The following RORA variants were observed in gnomAD, a reference collection of about 807,000 sequenced individuals.
RORA encodes nuclear receptor ROR-alpha.
A neutral mutation model predicts 69.5 loss-of-function variants in RORA; 7 were observed. The observed-to-expected ratio is 0.10, with a 90% CI of 0.06 to 0.19. The LOEUF (loss-of-function observed/expected upper bound fraction) is 0.19, where lower values mean the gene tolerates loss of function less well. RORA is among the 10% of genes least tolerant of loss of function. The probability of loss-of-function intolerance (pLI) is 1.00; values close to 1 mark genes in which losing one functional copy is unlikely to be tolerated. For synonymous variants in RORA, 261 were observed against 240.8 expected (o/e 1.08, Z -0.78); for missense variants, 457 against 663.0 (o/e 0.69, Z 3.41).
chr15:60,503,713 C>T, intron 6 of RORA, 46 bp from the exon 7 acceptor site: 2 of 1,605,458 alleles, frequency 1.2e-6, no homozygotes, highest in Non-Finnish European at 1.7e-6. Context: ...AAGATGTTAG[C>T]TTTTGTAGCA....
At chr15:61,153,904 TCTC>T (rs2079420335) in intron 1 of RORA, among the ~76,000 whole-genome samples, 1 of 152,146 alleles carries the variant, frequency 6.6e-6, no homozygotes, top group African/African-American at 2.4e-5. Flanking sequence ...CATTTATTGA[TCTC>T]CTATCAAGAA....
intron 2 of RORA, among the ~76,000 whole-genome samples, chr15:60,560,887 A>C (rs556891144): frequency 6.6e-6 from 1 of 152,316 alleles, no homozygotes; most frequent in South Asian, 2.1e-4. Context: ...AATACAGAGA[A>C]GTATATGGAA....
chr15:61,115,791 C>A (rs2079045335), intron 1 of RORA, among the ~76,000 whole-genome samples: 1 of 152,140 alleles, frequency 6.6e-6, no homozygotes, highest in African/African-American at 2.4e-5. Context: ...AGTAATTATT[C>A]TACAAGGAGG....
At chr15:61,222,361 T>C (rs1454751398) in intron 1 of RORA, among the ~76,000 whole-genome samples, 2 of 152,180 alleles carry the variant, frequency 1.3e-5, no homozygotes, top group African/African-American at 4.8e-5. Context: ...CATACAAATA[T>C]GTTAGGAAAA....
chr15:61,060,017 A>G (rs1391051195), intron 1 of RORA, among the ~76,000 whole-genome samples: 1 of 142,582 alleles, frequency 7.0e-6, no homozygotes, highest in Non-Finnish European at 1.5e-5. Context: ...GAAGAAGAAG[A>G]AGAAGAAGAA....
intron 1 of RORA, among the ~76,000 whole-genome samples, chr15:61,122,893 C>CAAT (rs1345049465): frequency 2.1e-4 from 32 of 152,302 alleles, no homozygotes; most frequent in African/African-American, 7.7e-4. Flanking sequence ...ATTCGGGCAG[C>CAAT]TTCAGGCACA....
At chr15:60,505,695 ATTTGC>A in intron 5 of RORA, 66 bp from the exon 6 acceptor site, 1 of 1,568,056 alleles carries the variant, frequency 6.4e-7, no homozygotes, top group Middle Eastern at 1.7e-4. Context: ...GTGATTTAAT[ATTTGC>A]TTTAAGAAAT....
intron 1 of RORA, among the ~76,000 whole-genome samples, chr15:61,079,394 G>C (rs1436950504): frequency 6.6e-6 from 1 of 152,160 alleles, no homozygotes; most frequent in Non-Finnish European, 1.5e-5. Flanking sequence ...AGTTTATAAA[G>C]CTTTCTCCAT....
At chr15:60,940,889 C>T (rs111536973) in intron 1 of RORA, among the ~76,000 whole-genome samples, 7 of 152,206 alleles carry the variant, frequency 4.6e-5, no homozygotes, top group East Asian at 3.9e-4. Context: ...ATCGCACCAC[C>T]GCACTCCAGC....
chr15:61,085,547 G>A (rs1360701266), intron 1 of RORA, among the ~76,000 whole-genome samples: 1 of 152,220 alleles, frequency 6.6e-6, no homozygotes, highest in African/African-American at 2.4e-5. Context: ...CAGGGCCTGA[G>A]GATCTGCATT....
intron 2 of RORA, among the ~76,000 whole-genome samples, chr15:60,666,166 ATTTT>A (rs142176178): frequency 2.2e-4 from 30 of 135,544 alleles, no homozygotes; most frequent in Admixed American, 3.7e-4. Flanking sequence ...TACAAAGATA[ATTTT>A]TTTTTTTTTT....
intron 1 of RORA, among the ~76,000 whole-genome samples, chr15:60,871,611 C>A (rs759834106): frequency 5.9e-5 from 9 of 152,130 alleles, no homozygotes; most frequent in Non-Finnish European, 1.2e-4. Context: ...CCCCTATATT[C>A]CAAAGCTGAA....
intron 1 of RORA, among the ~76,000 whole-genome samples, chr15:60,894,549 G>A (rs1046969394): frequency 6.6e-6 from 1 of 152,184 alleles, no homozygotes; most frequent in Non-Finnish European, 1.5e-5. Context: ...TTGGAGGATG[G>A]TTCCTTTGCA....
At chr15:60,898,983 C>T (rs1891311699) in intron 1 of RORA, among the ~76,000 whole-genome samples, 1 of 152,076 alleles carries the variant, frequency 6.6e-6, no homozygotes, top group Admixed American at 6.5e-5. Flanking sequence ...CAGAAAGCAC[C>T]CAGCAAGTTA....
intron 1 of RORA, among the ~76,000 whole-genome samples, chr15:60,978,177 T>A (rs1893932450): frequency 1.3e-5 from 2 of 152,122 alleles, no homozygotes; most frequent in Non-Finnish European, 2.9e-5. Flanking sequence ...ATCATCATCA[T>A]CACAATCATC....
At chr15:60,592,088 T>G (rs1255285745) in intron 2 of RORA, among the ~76,000 whole-genome samples, 2 of 151,904 alleles carry the variant, frequency 1.3e-5, no homozygotes, top group African/African-American at 4.8e-5. Context: ...CGGCAAACTT[T>G]CTTTTGGGAG....
intron 2 of RORA, among the ~76,000 whole-genome samples, chr15:60,657,347 T>C (rs565589799): frequency 4.3e-4 from 66 of 152,194 alleles, no homozygotes; most frequent in Admixed American, 2.7e-3. Context: ...CCCCACCCCC[T>C]GGGGAAGCAG....
At chr15:60,729,488 G>A (rs1446789142) in intron 1 of RORA, among the ~76,000 whole-genome samples, 3 of 152,168 alleles carry the variant, frequency 2.0e-5, no homozygotes, top group Admixed American at 6.5e-5. Context: ...TTATGTACCT[G>A]AGCCTCCATT....
At chr15:60,639,069 T>C (rs758040345) in intron 2 of RORA, among the ~76,000 whole-genome samples, 1 of 152,122 alleles carries the variant, frequency 6.6e-6, no homozygotes, top group African/African-American at 2.4e-5. Context: ...ATTAGTCACT[T>C]TAAGTATCAG....
Sources: allele counts gnomAD v4.1 joint callset (sites outside exome capture counted in the v4.1 genomes callset), GRCh38; gene constraint gnomAD v4.1.1; transcripts MANE v1.5; gene names NCBI Gene and HGNC (gene_info 2026-07-23, HGNC 2026-07-21).